SORBS2: variants seen among roughly 807,000 people sequenced by gnomAD.
The protein encoded by SORBS2 is sorbin and SH3 domain containing 2, also known as sorbin and SH3 domain-containing protein 2.
A neutral mutation model predicts 97.7 loss-of-function variants in SORBS2; 46 were observed. The observed-to-expected ratio is 0.47, with a 90% CI of 0.37 to 0.60. The LOEUF (loss-of-function observed/expected upper bound fraction) is 0.60. Among genes scored for constraint, SORBS2 ranks in the 20% least tolerant of loss-of-function variants. SORBS2 has a pLI of 0.00. For synonymous variants in SORBS2, 476 were observed against 473.4 expected, an observed-to-expected ratio of 1.01 and a Z score of -0.07; for missense variants, 1,316 against 1,282.3, an observed-to-expected ratio of 1.03 and a Z score of -0.40.
intron 2 of SORBS2, among the ~76,000 whole-genome samples, chr4:185,719,849 A>AC (rs749525901): frequency 8.7e-4 from 132 of 152,332 alleles, no homozygotes; most frequent in Non-Finnish European, 1.0e-3. Flanking sequence ...GTCCTCTTGC[A>AC]CCCAGTCCCT....
chr4:185,700,274 T>G (rs2098241672), intron 2 of SORBS2, among the ~76,000 whole-genome samples: 1 of 151,704 alleles, frequency 6.6e-6, no homozygotes, highest in African/African-American at 2.4e-5. Context: ...GCTGCCTCAC[T>G]TTTAAAGTGT....
At chr4:185,787,987 G>C (rs1234803859) in intron 1 of SORBS2, among the ~76,000 whole-genome samples, 1 of 152,206 alleles carries the variant, frequency 6.6e-6, no homozygotes, top group Non-Finnish European at 1.5e-5. Context: ...ACATTGTTGC[G>C]GCGAATGGGC....
chr4:185,608,828 G>C (rs1350675948), intron 12 of SORBS2, among the ~76,000 whole-genome samples: 1 of 152,252 alleles, frequency 6.6e-6, no homozygotes, highest in South Asian at 2.1e-4. Context: ...TCTCCAAAAA[G>C]ATTCTGGAGA....
rs865805503 is a variant in SORBS2, at chr4:185,670,608, G to A, written c.-46+7815C>T. Among the ~76,000 whole-genome samples, 7 of 143,620 alleles carry A rather than the reference G, an allele frequency of 4.9e-5. No individual in the cohort carries two copies. In the East Asian group the frequency reaches 1.4e-3, roughly 29 times the overall value. The allele number at this position is 143,620 out of a possible 152,430, so 94.2% of individuals were successfully genotyped here. On this transcript the variant is annotated intron_variant, in intron 4 of 20. Coordinates refer to the SORBS2 transcript ENST00000284776. Reference sequence around the variant, plus strand: ...TTGAAAAGAAAATATCTAGGAAGGGGTTTTTTTTTTTTTGGAGTCTTGCTC... The same window carrying A: ...TTGAAAAGAAAATATCTAGGAAGGGATTTTTTTTTTTTTGGAGTCTTGCTC...
chr4:185,799,758 C>T (rs1172357980), intron 1 of SORBS2, among the ~76,000 whole-genome samples: 2 of 152,194 alleles, frequency 1.3e-5, no homozygotes, highest in Non-Finnish European at 2.9e-5. Flanking sequence ...CTCTCATCAA[C>T]ATCCAACACA....
chr4:185,831,164 G>A (rs957236876), intron 1 of SORBS2, among the ~76,000 whole-genome samples: 1 of 152,184 alleles, frequency 6.6e-6, no homozygotes, highest in African/African-American at 2.4e-5. Context: ...ATCTAGAACT[G>A]GGATGATTTA....
chr4:185,815,891 A>C (rs1295008330), intron 1 of SORBS2, among the ~76,000 whole-genome samples: 1 of 152,232 alleles, frequency 6.6e-6, no homozygotes, highest in East Asian at 1.9e-4. Context: ...CAAGATACAA[A>C]GTTTTAAAAA....
chr4:185,736,531 A>G lies in SORBS2; in HGVS notation c.-198+38696T>C, dbSNP rs539695828. ...GATGGCGGTGTTCGTTTCTGTTTGT[A>G]TACTTTTAACAGTCTAAAAATGGGG... On this transcript the variant is annotated intron_variant, in intron 2 of 20. Coordinates refer to the SORBS2 transcript ENST00000284776. Among the ~76,000 whole-genome samples the G allele has an allele frequency of 2.6e-5, 4 of 152,196 alleles. No individual in the cohort carries two copies. The South Asian group carries it at 8.3e-4, about 32-fold the overall frequency.
intron 1 of SORBS2, among the ~76,000 whole-genome samples, chr4:185,914,605 TGTAAATACTGTG>T (rs1403110578): frequency 1.3e-5 from 2 of 152,254 alleles, no homozygotes; most frequent in Non-Finnish European, 2.9e-5. Context: ...GCACGTTCAT[TGTAAATACTGTG>T]GTAACCCAGG....
At chr4:185,917,920 C>T (rs1019851067) in intron 1 of SORBS2, among the ~76,000 whole-genome samples, 2 of 152,160 alleles carry the variant, frequency 1.3e-5, no homozygotes, top group Non-Finnish European at 2.9e-5. Context: ...GATTGAGAAA[C>T]CCTGACTGTC....
intron 2 of SORBS2, among the ~76,000 whole-genome samples, chr4:185,722,075 C>A (rs2098519166): frequency 6.6e-6 from 1 of 152,138 alleles, no homozygotes. Context: ...GTCGTGAATT[C>A]TGTAAGAGAT....
chr4:185,867,073 G>T (rs756980040), intron 1 of SORBS2, among the ~76,000 whole-genome samples: 1 of 151,904 alleles, frequency 6.6e-6, no homozygotes, highest in Non-Finnish European at 1.5e-5. Flanking sequence ...GTGTGGTGGC[G>T]CCAGCTTGGC....
chr4:185,743,332 C>G (rs1281763433), intron 2 of SORBS2, among the ~76,000 whole-genome samples: 1 of 152,136 alleles, frequency 6.6e-6, no homozygotes, highest in Non-Finnish European at 1.5e-5. Flanking sequence ...CTGGCATACC[C>G]GCTTGATTCC....
chr4:185,799,227 A>G (rs1399109236), intron 1 of SORBS2, among the ~76,000 whole-genome samples: 2 of 152,168 alleles, frequency 1.3e-5, no homozygotes, highest in African/African-American at 2.4e-5. Flanking sequence ...TCCACCAAGA[A>G]GAGCCACCTA....
At chr4:185,764,727 T>A (rs74625432) in intron 2 of SORBS2, among the ~76,000 whole-genome samples, 3 of 152,256 alleles carry the variant, frequency 2.0e-5, no homozygotes, top group Admixed American at 2.0e-4. Context: ...GAGGGAAAGA[T>A]GTTTTAATGC....
intron 1 of SORBS2, among the ~76,000 whole-genome samples, chr4:185,798,973 T>G (rs2099118455): frequency 6.6e-6 from 1 of 152,198 alleles, no homozygotes; most frequent in Admixed American, 6.5e-5. Flanking sequence ...CTCATGTGCT[T>G]TATTTGTATA....
At chr4:185,733,251 A>G (rs949389444) in intron 2 of SORBS2, among the ~76,000 whole-genome samples, 1 of 152,172 alleles carries the variant, frequency 6.6e-6, no homozygotes, top group Non-Finnish European at 1.5e-5. Flanking sequence ...AGCTAAATAA[A>G]TTTGCTTTTG....
chr4:185,875,491 T>C (rs1406088230), intron 1 of SORBS2, among the ~76,000 whole-genome samples: 2 of 152,244 alleles, frequency 1.3e-5, no homozygotes, highest in African/African-American at 4.8e-5. Flanking sequence ...ACTGAGTGAG[T>C]CTGCATAGGA....
chr4:185,675,553 C>A (rs2097778638), intron 4 of SORBS2: 1 of 152,196 alleles, frequency 6.6e-6, no homozygotes, highest in Admixed American at 6.5e-5. Context: ...TGCCTTTTGC[C>A]AGCTGCATGA....
Sources: allele counts gnomAD v4.1 joint callset (sites outside exome capture counted in the v4.1 genomes callset), GRCh38; gene constraint gnomAD v4.1.1; transcripts MANE v1.5; gene names NCBI Gene and HGNC (gene_info 2026-07-23, HGNC 2026-07-21).